Variants in KIAA1671 observed in about 807,000 individuals in gnomAD.
KIAA1671 encodes the protein KIAA1671, also known as uncharacterized protein KIAA1671.
In KIAA1671, 52 loss-of-function variants were observed where a neutral mutation model predicts 131.2. The observed-to-expected ratio is 0.40, with a 90% CI of 0.32 to 0.50. The LOEUF (loss-of-function observed/expected upper bound fraction) is 0.50. Among genes scored for constraint, KIAA1671 ranks in the 20% least tolerant of loss-of-function variants. The pLI, the probability that KIAA1671 is intolerant of heterozygous loss-of-function variation, is 0.73. For synonymous variants in KIAA1671, 1,003 were observed against 961.6 expected, an observed-to-expected ratio of 1.04 and a Z score of -0.80; for missense variants, 2,360 against 2,364.2, an observed-to-expected ratio of 1.00 and a Z score of 0.04.
chr22:25,098,559 A>T (rs1386330076), intron 6 of KIAA1671, among the ~76,000 whole-genome samples: 2 of 151,136 alleles, frequency 1.3e-5, no homozygotes, highest in Non-Finnish European at 3.0e-5. Context: ...GCTGTGACTC[A>T]GAAGCAAGAA....
intron 1 of KIAA1671, among the ~76,000 whole-genome samples, chr22:25,006,867 G>C (rs1924776100): frequency 1.3e-5 from 2 of 152,290 alleles, no homozygotes; most frequent in Admixed American, 6.5e-5. Context: ...ATTGGGCTCA[G>C]AGAATCCAGG....
chr22:24,973,183 C>T (rs926202469), intron 1 of KIAA1671, among the ~76,000 whole-genome samples: 2 of 152,046 alleles, frequency 1.3e-5, no homozygotes, highest in Non-Finnish European at 2.9e-5. Flanking sequence ...TGGCAGGACT[C>T]GGTTTGGGCT....
intron 1 of KIAA1671, among the ~76,000 whole-genome samples, chr22:24,957,671 C>CTTTTTTTT (rs886130979): frequency 3.5e-4 from 35 of 100,294 alleles, no homozygotes; most frequent in East Asian, 5.5e-4. Context: ...TCTTTTGTTC[C>CTTTTTTTT]TTTTTTTTTT....
chr22:25,026,762 G>T (rs1457000278), intron 2 of KIAA1671, among the ~76,000 whole-genome samples: 2 of 152,114 alleles, frequency 1.3e-5, no homozygotes, highest in African/African-American at 4.8e-5. Flanking sequence ...TAAGTGGGTG[G>T]TGGACTTGAG....
chr22:25,174,544 G>C lies in KIAA1671; in HGVS notation c.4899+55G>C. On this transcript the variant is annotated intron_variant, in intron 8 of 12. Transcript: ENST00000358431. Reference sequence around the variant, plus strand: ...TAAATGGAAATTCCAGCCTCTCTCTGTGAATTGCCACTTCAGGTGTAGGAT... The same window carrying C: ...TAAATGGAAATTCCAGCCTCTCTCTCTGAATTGCCACTTCAGGTGTAGGAT... 4.1e-6 allele frequency: 6 copies of C among 1,468,338 alleles called. No individual in the cohort carries two copies. In the South Asian group the frequency reaches 7.1e-5, roughly 17 times the overall value. 91.0% of individuals were successfully genotyped at this position (1,468,338 alleles called of 1,614,324 possible).
chr22:24,960,232 G>A (rs1430395617), intron 1 of KIAA1671, among the ~76,000 whole-genome samples: 2 of 151,922 alleles, frequency 1.3e-5, no homozygotes, highest in Admixed American at 6.6e-5. Flanking sequence ...ATTTCAGAAT[G>A]TGTTGATTTA....
intron 1 of KIAA1671, chr22:25,013,581 A>G (rs1354773249): frequency 6.6e-6 from 1 of 152,228 alleles, no homozygotes; most frequent in Non-Finnish European, 1.5e-5. Flanking sequence ...TGCACATCTC[A>G]GTCTCCCTAA....
intron 1 of KIAA1671, among the ~76,000 whole-genome samples, chr22:24,972,051 A>C (rs1922642671): frequency 6.6e-6 from 1 of 152,122 alleles, no homozygotes; most frequent in Non-Finnish European, 1.5e-5. Context: ...GAGAGATGGG[A>C]ATCTTTAAAC....
intron 6 of KIAA1671, among the ~76,000 whole-genome samples, chr22:25,067,261 C>T (rs1183225549): frequency 2.0e-5 from 3 of 150,830 alleles, no homozygotes; most frequent in East Asian, 2.0e-4. Flanking sequence ...TTGGACTCGC[C>T]GGGTCTTGGA....
Position 25,174,638 on chromosome 22 carries a change from G to A in KIAA1671, c.4899+149G>A, listed in dbSNP as rs867936335. ...TTTGAAATGGGACTCACTTATGCAT[G>A]TATCTTGGACCTGCCATACACCTGC... On this transcript the variant is annotated intron_variant, in intron 8 of 12. Coordinates refer to ENST00000358431, the MANE Select transcript of KIAA1671 (RefSeq NM_001145206.2). The A allele has an allele frequency of 1.5e-5, 13 of 887,530 alleles. No individual in the cohort carries two copies. The African/African-American group carries it at 1.7e-4, about 12-fold the overall frequency. 55.0% of individuals were successfully genotyped at this position (887,530 alleles called of 1,614,324 possible).
intron 1 of KIAA1671, among the ~76,000 whole-genome samples, chr22:25,003,616 G>C (rs6004387): frequency 0.2 from 30,836 of 151,502 alleles, 3,323 homozygotes; most frequent in East Asian, 0.45. Flanking sequence ...GTTTCACTGT[G>C]TTAGCCAGGA....
Position 25,196,052 on chromosome 22 carries a change from C to T in KIAA1671, c.*3651C>T, listed in dbSNP as rs1290985460. 6.6e-6 allele frequency: 1 copy of T among 152,148 alleles called. No individual in the cohort carries two copies. Among genetic ancestry groups the T allele is most frequent in the Non-Finnish European group, 1.5e-5 (1 of 68,044 alleles). The allele number at this position is 152,148 out of a possible 1,614,324, so 9.4% of individuals were successfully genotyped here. ...TGCTAGGACTCACCCAGTTGGAATT[C>T]TGGGTGGGCTCAGGAAGTTTAGAGC... On this transcript the variant is annotated 3_prime_UTR_variant, in exon 13 of 13. Coordinates refer to ENST00000358431, the MANE Select transcript of KIAA1671 (RefSeq NM_001145206.2).
At chr22:25,190,070 A>G (rs796331210) in intron 11 of KIAA1671, among the ~76,000 whole-genome samples, 7 of 152,312 alleles carry the variant, frequency 4.6e-5, no homozygotes, top group African/African-American at 1.7e-4. Flanking sequence ...TGATTCAAAC[A>G]CATTACATTC....
chr22:25,018,900 G>A (rs1465023990), intron 1 of KIAA1671, among the ~76,000 whole-genome samples: 1 of 152,068 alleles, frequency 6.6e-6, no homozygotes, highest in African/African-American at 2.4e-5. Context: ...TTTTAGGGGG[G>A]TATACTCTTA....
chr22:24,994,127 C>T (rs1923985106), intron 1 of KIAA1671, among the ~76,000 whole-genome samples: 1 of 152,096 alleles, frequency 6.6e-6, no homozygotes, highest in Non-Finnish European at 1.5e-5. Context: ...GTTACAACCT[C>T]ATCATCTTGG....
intron 1 of KIAA1671, among the ~76,000 whole-genome samples, chr22:24,991,619 G>C (rs1267815396): frequency 8.3e-6 from 1 of 120,786 alleles, no homozygotes; most frequent in African/African-American, 3.8e-5. Flanking sequence ...ACCACGCCCG[G>C]CTAATTTTTT....
chr22:25,047,621 C>T (rs1459718654), intron 5 of KIAA1671, among the ~76,000 whole-genome samples: 9 of 152,002 alleles, frequency 5.9e-5, no homozygotes, highest in East Asian at 3.9e-4. Flanking sequence ...TACAGGCGCT[C>T]GCCACCATGC....
intron 6 of KIAA1671, among the ~76,000 whole-genome samples, chr22:25,127,834 T>C (rs377489179): frequency 6.6e-6 from 1 of 152,244 alleles, no homozygotes; most frequent in Non-Finnish European, 1.5e-5. Flanking sequence ...TTTCATGGGA[T>C]GCGGAGCCCC....
intron 1 of KIAA1671, among the ~76,000 whole-genome samples, chr22:24,990,978 C>T (rs1452350569): frequency 6.6e-6 from 1 of 152,146 alleles, no homozygotes; most frequent in Non-Finnish European, 1.5e-5. Context: ...CAAGCAGCTC[C>T]AGTCACCCAG....
Sources: gnomAD v4.1 joint callset for allele counts (sites outside exome capture counted in the v4.1 genomes callset) on GRCh38, gnomAD v4.1.1 for gene constraint, MANE v1.5 for transcripts, NCBI Gene and HGNC (gene_info 2026-07-23, HGNC 2026-07-21) for gene names.